Variants in TMPRSS9 observed in about 807,000 individuals in gnomAD.
The protein encoded by TMPRSS9 is transmembrane protease serine 9.
A neutral mutation model predicts 111.4 loss-of-function variants in TMPRSS9; 113 were observed. The observed-to-expected ratio is 1.01, with a 90% CI of 0.87 to 1.19. The LOEUF is 1.19. Among genes scored for constraint, TMPRSS9 ranks in the 50% most tolerant of loss-of-function variants. The pLI, the probability that TMPRSS9 is intolerant of heterozygous loss-of-function variation, is 0.00. For synonymous variants in TMPRSS9, 805 were observed against 659.1 expected, an observed-to-expected ratio of 1.22 and a Z score of -3.39; for missense variants, 1,803 against 1,513.1, an observed-to-expected ratio of 1.19 and a Z score of -3.18.
At chr19:2,410,148 T>TG (rs1223826132) in intron 8 of TMPRSS9, 110 bp from the exon 10 acceptor site, 2 of 1,493,418 alleles carry the variant, frequency 1.3e-6, no homozygotes, top group African/African-American at 1.4e-5. Flanking sequence ...TGCTTGGAGC[T>TG]GGGGAAACTG....
At position 2,421,883 on chromosome 19, in the gene TMPRSS9, G is replaced by C; in HGVS notation, c.2184G>C (p.Glu728Asp). 1 of 1,610,044 alleles carries C rather than the reference G, an allele frequency of 6.2e-7. No homozygotes were observed. The highest frequency in any genetic ancestry group is 1.3e-5 in the African/African-American group (1 of 74,994). ...ACTCTGGGGGCCCCCTGGCCTGCGAGGAGGCCCCTGGCGTGTTTTATCTGG... is the reference window on the plus strand; with the variant it reads ...ACTCTGGGGGCCCCCTGGCCTGCGACGAGGCCCCTGGCGTGTTTTATCTGG... The change falls in exon 14 of 18, where the codon GAG becomes GAC. Residue 728 changes from glutamate (E) to aspartate (D), a missense_variant. Coordinates refer to ENST00000648592, the Ensembl canonical transcript of TMPRSS9.
exon 18 of TMPRSS9, chr19:2,426,209 G>GCAT: frequency 1.5e-6 from 2 of 1,317,316 alleles, no homozygotes; most frequent in Non-Finnish European, 2.1e-6. Context: ...TGGGTCATGG[G>GCAT]GATGCATTTT....
intron 1 of TMPRSS9, among the ~76,000 whole-genome samples, chr19:2,381,792 C>T (rs1970388176): frequency 6.6e-6 from 1 of 152,170 alleles, no homozygotes; most frequent in South Asian, 2.1e-4. Context: ...AAACATTTAG[C>T]ACCCTCGGAG....
chr19:2,396,797 G>A, intron 2 of TMPRSS9, 131 bp downstream of exon 3: 6 of 1,337,942 alleles, frequency 4.5e-6, no homozygotes, highest in Non-Finnish European at 4.0e-6. Flanking sequence ...TGTGAGACCG[G>A]GAGGCCAGGC....
At chr19:2,416,955 C>T (rs541308945) in intron 12 of TMPRSS9, 146 bp downstream of exon 13, 49 of 1,138,250 alleles carry the variant, frequency 4.3e-5, no homozygotes, top group East Asian at 2.1e-4. Flanking sequence ...TCTTTGGTCC[C>T]GCTGCCCACA....
At chr19:2,408,365 C>T in exon 8 of TMPRSS9, 4 of 1,612,872 alleles carry the variant, frequency 2.5e-6, no homozygotes, top group Non-Finnish European at 3.4e-6. Context: ...GGTTCCAAGA[C>T]CCGACGAAGT....
intron 1 of TMPRSS9, among the ~76,000 whole-genome samples, chr19:2,380,730 A>G (rs1970379443): frequency 6.6e-6 from 1 of 152,030 alleles, no homozygotes; most frequent in Admixed American, 6.6e-5. Flanking sequence ...CAGAATCCTG[A>G]CCCCAGGAAG....
At chr19:2,399,352 G>A (rs1013282008) in intron 4 of TMPRSS9, among the ~76,000 whole-genome samples, 159 bp downstream of exon 5, 3 of 152,186 alleles carry the variant, frequency 2.0e-5, no homozygotes, top group African/African-American at 7.2e-5. Context: ...GGGAGGCCGA[G>A]GCGGGTGGAT....
chr19:2,408,559 C>T lies in TMPRSS9; in HGVS notation c.1046C>T (p.Ala349Val), dbSNP rs753689833. 14 of 1,613,492 alleles carry T rather than the reference C, an allele frequency of 8.7e-6. No individual in the cohort carries two copies. Among genetic ancestry groups the T allele is most frequent in the African/African-American group, 1.3e-5 (1 of 74,922 alleles). ...CACATCCAGCCCGTGTGCCTCCCGG[C>T]TGCCACACACATCTTCCCACCCAGC... is the stretch of plus-strand genomic sequence containing the variant. The change falls in exon 8 of 18, where the codon GCT (alanine) becomes GTT (valine). Residue 349 changes from alanine (A) to valine (V), a missense_variant. Ala to Val is a moderately conservative substitution (Grantham distance 64, BLOSUM62 0). Transcript: ENST00000648592.
chr19:2,407,856 C>T (rs970169861), intron 7 of TMPRSS9, among the ~76,000 whole-genome samples: 1 of 151,890 alleles, frequency 6.6e-6, no homozygotes, highest in Non-Finnish European at 1.5e-5. Flanking sequence ...ACAATATCAG[C>T]TCACTGCAAC....
intron 1 of TMPRSS9, among the ~76,000 whole-genome samples, chr19:2,362,046 T>G (rs1445559383): frequency 6.6e-6 from 1 of 151,856 alleles, no homozygotes; most frequent in Admixed American, 6.6e-5. Context: ...GCAATATATA[T>G]AATTGTGTCT....
chr19:2,418,063 T>C (rs1289770388), exon 13 of TMPRSS9: 2 of 1,612,380 alleles, frequency 1.2e-6, no homozygotes, highest in South Asian at 2.2e-5. Context: ...AAACCTGTAG[T>C]GTGCTCTACA....
chr19:2,390,106 G>A (rs78104646), intron 1 of TMPRSS9, among the ~76,000 whole-genome samples, 179 bp downstream of exon 2: 4 of 152,148 alleles, frequency 2.6e-5, no homozygotes, highest in South Asian at 2.1e-4. Context: ...GAGTTCCTAC[G>A]TGTGTCAGTT....
exon 18 of TMPRSS9, chr19:2,426,214 C>T (rs1971628508): frequency 8.1e-7 from 1 of 1,232,642 alleles, no homozygotes; most frequent in Non-Finnish European, 1.1e-6. Flanking sequence ...CATGGGGATG[C>T]ATTTTGGTAC....
chr19:2,419,556 G>T (rs1313978185), intron 13 of TMPRSS9, among the ~76,000 whole-genome samples: 2 of 148,580 alleles, frequency 1.3e-5, no homozygotes, highest in East Asian at 2.0e-4. Flanking sequence ...TTACTCTGTC[G>T]CCCAGGCTGG....
intron 1 of TMPRSS9, among the ~76,000 whole-genome samples, chr19:2,376,046 G>C (rs1042971324): frequency 2.0e-5 from 3 of 152,120 alleles, no homozygotes; most frequent in Admixed American, 1.3e-4. Context: ...AGCGTGTGTT[G>C]GCTTCCTGGT....
chr19:2,361,720 G>C (rs10405378), intron 1 of TMPRSS9, among the ~76,000 whole-genome samples: 76,024 of 151,982 alleles, frequency 0.5, 19,567 homozygotes, highest in African/African-American at 0.63. Context: ...ACTTCCTTCC[G>C]TCATTTTATA....
chr19:2,420,003 TAAAA>T (rs895259161), intron 13 of TMPRSS9, among the ~76,000 whole-genome samples: 1 of 150,778 alleles, frequency 6.6e-6, no homozygotes, highest in Non-Finnish European at 1.5e-5. Flanking sequence ...TACAAAAATT[TAAAA>T]AAAAAATTTG....
At chr19:2,402,813 C>T (rs1004400829) in intron 5 of TMPRSS9, among the ~76,000 whole-genome samples, 4 of 151,952 alleles carry the variant, frequency 2.6e-5, no homozygotes, top group African/African-American at 9.7e-5. Context: ...CACCTGTGGT[C>T]CCAACTACTC....
Sources: gnomAD v4.1 joint callset for allele counts (sites outside exome capture counted in the v4.1 genomes callset) on GRCh38, gnomAD v4.1.1 for gene constraint, MANE v1.5 for transcripts, NCBI Gene and HGNC (gene_info 2026-07-23, HGNC 2026-07-21) for gene names.